DLGAP2: variants seen among roughly 807,000 people sequenced by gnomAD.
DLGAP2 encodes DLG associated protein 2, also known as disks large-associated protein 2.
DLGAP2 carries 26 observed loss-of-function variants against 100.3 expected under a neutral mutation model. The ratio of observed to expected loss-of-function variants is 0.26; its 90% CI spans 0.19 to 0.36. DLGAP2 has a LOEUF of 0.36. Among genes scored for constraint, DLGAP2 ranks in the 10% least tolerant of loss-of-function variants. The probability of loss-of-function intolerance (pLI) is 1.00; values close to 1 mark genes in which losing one functional copy is unlikely to be tolerated. For missense variants in DLGAP2, 1,858 were observed against 1,453.2 expected, an observed-to-expected ratio of 1.28 and a Z score of -4.53; for synonymous variants, 886 against 630.1, an observed-to-expected ratio of 1.41 and a Z score of -6.08.
At chr8:906,784 T>C (rs937368414) in intron 1 of DLGAP2, among the ~76,000 whole-genome samples, 3 of 152,250 alleles carry the variant, frequency 2.0e-5, no homozygotes, top group Non-Finnish European at 2.9e-5. Context: ...AAGCATGTGA[T>C]TGAACTTTTA....
rs779912992 is a variant in DLGAP2 at position 1,584,287 on chromosome 8, T to C, written c.1442+18393T>C. Among the ~76,000 whole-genome samples, 8 of 152,162 alleles carry C rather than the reference T, an allele frequency of 5.3e-5. 1 individual carries two copies. Among genetic ancestry groups the C allele is most frequent in the Non-Finnish European group, 1.0e-4 (7 of 68,024 alleles). The stretch of plus-strand genomic sequence containing the variant: ...GTTTAGAGCCTAAACATAAAGATAA[T>C]CAATTTAAAAGACGTGTGCAAAGCT... On this transcript the variant is annotated intron_variant, in intron 6 of 14. Transcript: ENST00000637795.
chr8:1,554,958 A>G (rs558333956), intron 5 of DLGAP2, among the ~76,000 whole-genome samples: 2 of 152,274 alleles, frequency 1.3e-5, no homozygotes, highest in African/African-American at 4.8e-5. Context: ...GTTGGTTCCT[A>G]TCCTTAGCGA....
intron 3 of DLGAP2, among the ~76,000 whole-genome samples, chr8:1,482,588 G>T (rs1365011693): frequency 6.6e-6 from 1 of 152,252 alleles, no homozygotes; most frequent in African/African-American, 2.4e-5. Flanking sequence ...GGCATGGCTC[G>T]CTCTCGTGGG....
chr8:1,457,712 A>G (rs1378358488), intron 3 of DLGAP2, among the ~76,000 whole-genome samples: 1 of 151,900 alleles, frequency 6.6e-6, no homozygotes, highest in African/African-American at 2.4e-5. Context: ...AACTTCCTTC[A>G]TGAAAGCCAA....
chr8:926,901 G>A (rs551020316), intron 2 of DLGAP2, among the ~76,000 whole-genome samples: 4 of 152,356 alleles, frequency 2.6e-5, no homozygotes, highest in South Asian at 4.1e-4. Context: ...AGCGAGCCTC[G>A]TAGGCGTTCC....
At chr8:954,883 G>C (rs1482934739) in intron 2 of DLGAP2, among the ~76,000 whole-genome samples, 2 of 152,158 alleles carry the variant, frequency 1.3e-5, no homozygotes, top group Admixed American at 1.3e-4. Flanking sequence ...GTGTTAGTTT[G>C]CTGTGTCTAA....
intron 3 of DLGAP2, among the ~76,000 whole-genome samples, chr8:1,293,658 T>G (rs1345341513): frequency 6.6e-6 from 1 of 152,176 alleles, no homozygotes; most frequent in Admixed American, 6.5e-5. Flanking sequence ...ATGCCTGCTG[T>G]CTCTAGAATT....
At chr8:912,435 G>A (rs549222369) in intron 2 of DLGAP2, among the ~76,000 whole-genome samples, 3 of 152,324 alleles carry the variant, frequency 2.0e-5, no homozygotes, top group African/African-American at 4.8e-5. Context: ...GCTGGTCCGC[G>A]TTTATCAACT....
chr8:1,057,559 A>T (rs896349431), intron 2 of DLGAP2, among the ~76,000 whole-genome samples: 3 of 152,130 alleles, frequency 2.0e-5, no homozygotes, highest in African/African-American at 7.2e-5. Context: ...CTATCTCTTG[A>T]TTTCTTATGT....
intron 4 of DLGAP2, among the ~76,000 whole-genome samples, chr8:1,533,515 A>C (rs1262308256): frequency 6.6e-6 from 1 of 152,108 alleles, no homozygotes; most frequent in Admixed American, 6.6e-5. Context: ...CCAAAAAAAA[A>C]AAGAATGTGT....
chr8:1,211,247 CT>C, intron 2 of DLGAP2, among the ~76,000 whole-genome samples: 1 of 152,208 alleles, frequency 6.6e-6, no homozygotes. Context: ...TAAAATCCAC[CT>C]TCCTTGATGG....
At chr8:1,467,593 G>C (rs1028709343) in intron 3 of DLGAP2, among the ~76,000 whole-genome samples, 1 of 152,212 alleles carries the variant, frequency 6.6e-6, no homozygotes, top group Non-Finnish European at 1.5e-5. Flanking sequence ...CACAGAGGGA[G>C]GGTTTCAGGG....
intron 3 of DLGAP2, among the ~76,000 whole-genome samples, chr8:1,342,666 T>C (rs1266510958): frequency 1.3e-5 from 2 of 152,220 alleles, no homozygotes; most frequent in African/African-American, 4.8e-5. Flanking sequence ...TTTTCTGTTA[T>C]TTCTCATCCC....
intron 2 of DLGAP2, among the ~76,000 whole-genome samples, chr8:959,954 ATAGT>A (rs1233457520): frequency 2.0e-5 from 3 of 152,172 alleles, no homozygotes; most frequent in Non-Finnish European, 2.9e-5. Context: ...CTGAAAAAAG[ATAGT>A]TATGCTAGGT....
At chr8:1,342,893 T>G (rs1801451376) in intron 3 of DLGAP2, among the ~76,000 whole-genome samples, 1 of 152,222 alleles carries the variant, frequency 6.6e-6, no homozygotes, top group Non-Finnish European at 1.5e-5. Flanking sequence ...AACTGCTTTC[T>G]GCCGTCTTTG....
chr8:1,411,271 A>G lies in DLGAP2; in HGVS notation c.107-90095A>G, dbSNP rs540520453. Among the ~76,000 whole-genome samples the G allele has an allele frequency of 4.6e-5, 7 of 152,378 alleles. No individual in the cohort carries two copies. The South Asian group carries it at 1.4e-3, about 32-fold the overall frequency. The stretch of plus-strand genomic sequence containing the variant: ...TTAACAATGTGCAATGCATAGCTAC[A>G]TTATATACTATAATAAGTCAAAGAA... On this transcript the variant is annotated intron_variant, in intron 3 of 14. Coordinates refer to ENST00000637795, the MANE Select transcript of DLGAP2 (RefSeq NM_001346810.2).
At chr8:1,051,092 G>A (rs1010937280) in intron 2 of DLGAP2, among the ~76,000 whole-genome samples, 3 of 148,740 alleles carry the variant, frequency 2.0e-5, no homozygotes, top group African/African-American at 5.0e-5. Context: ...CTTTTTGTGG[G>A]CAGGGGGTCA....
At position 936,513 on chromosome 8, in the gene DLGAP2, T is replaced by C. The variant is rs370546748; in HGVS notation, c.73+28547T>C. ...AGCTCTGAAACTAGAGCAGGACGCA[T>C]GGCTCCTGGGCTGCTGGGGTGTAGA... On this transcript the variant is annotated intron_variant, in intron 2 of 14. Transcript: ENST00000637795. Among the ~76,000 whole-genome samples, 88 of 152,242 alleles carry C rather than the reference T, an allele frequency of 5.8e-4. 1 individual carries two copies. The highest frequency in any genetic ancestry group is 1.9e-3 in the African/African-American group (81 of 41,584).
intron 1 of DLGAP2, among the ~76,000 whole-genome samples, chr8:773,001 G>A (rs1311154528): frequency 6.6e-6 from 1 of 152,152 alleles, no homozygotes; most frequent in Admixed American, 6.5e-5. Context: ...TGTAACAGTA[G>A]GATGGCATGG....
Sources: allele counts gnomAD v4.1 joint callset (sites outside exome capture counted in the v4.1 genomes callset), GRCh38; gene constraint gnomAD v4.1.1; transcripts MANE v1.5; gene names NCBI Gene and HGNC (gene_info 2026-07-23, HGNC 2026-07-21).